Variants in ASTN2 observed in about 807,000 individuals in gnomAD.
ASTN2 encodes the protein astrotactin-2.
A neutral mutation model predicts 139.8 loss-of-function variants in ASTN2; 54 were observed. The ratio of observed to expected loss-of-function variants is 0.39; its 90% confidence interval spans 0.31 to 0.48. The LOEUF (loss-of-function observed/expected upper bound fraction) is 0.48. Ranked by LOEUF, ASTN2 falls within the 20% of genes least tolerant of loss-of-function variation. The probability of loss-of-function intolerance (pLI) is 0.95; values close to 1 mark genes in which losing one functional copy is unlikely to be tolerated. For synonymous variants in ASTN2, 756 were observed against 719.5 expected, an observed-to-expected ratio of 1.05 and a Z score of -0.81; for missense variants, 1,565 against 1,725.1, an observed-to-expected ratio of 0.91 and a Z score of 1.64.
chr9:117,383,172 T>C (rs1458990892), intron 1 of ASTN2, among the ~76,000 whole-genome samples: 1 of 152,242 alleles, frequency 6.6e-6, no homozygotes, highest in African/African-American at 2.4e-5. Flanking sequence ...TTCTTTTGAT[T>C]TTCTTTCTAA....
At chr9:117,207,785 AT>A (rs1399915722) in intron 3 of ASTN2, among the ~76,000 whole-genome samples, 6 of 152,214 alleles carry the variant, frequency 3.9e-5, no homozygotes, top group Non-Finnish European at 8.8e-5. Context: ...CTGCATGAAC[AT>A]CCCCCTGTTC....
chr9:116,751,328 T>C (rs1192798826), intron 13 of ASTN2, among the ~76,000 whole-genome samples: 1 of 152,200 alleles, frequency 6.6e-6, no homozygotes, highest in Non-Finnish European at 1.5e-5. Context: ...ACTGTGGTTA[T>C]TTATTTCCTA....
At chr9:117,253,464 A>T (rs936562747) in intron 2 of ASTN2, among the ~76,000 whole-genome samples, 1 of 152,196 alleles carries the variant, frequency 6.6e-6, no homozygotes, top group Non-Finnish European at 1.5e-5. Context: ...CTTCCCCAAG[A>T]TAAAAAACGA....
chr9:117,128,912 A>G (rs954770710), intron 4 of ASTN2, among the ~76,000 whole-genome samples: 1 of 152,246 alleles, frequency 6.6e-6, no homozygotes, highest in African/African-American at 2.4e-5. Context: ...TAAAACTATC[A>G]GATCTCATGA....
At chr9:117,367,142 T>C (rs150995312) in intron 1 of ASTN2, among the ~76,000 whole-genome samples, 55 of 152,278 alleles carry the variant, frequency 3.6e-4, no homozygotes, top group Non-Finnish European at 5.6e-4. Flanking sequence ...CTGTCTTACA[T>C]AGACTTGCTA....
At chr9:117,203,557 G>A (rs1831805185) in intron 3 of ASTN2, among the ~76,000 whole-genome samples, 1 of 152,080 alleles carries the variant, frequency 6.6e-6, no homozygotes, top group Non-Finnish European at 1.5e-5. Flanking sequence ...TGTTGTGGAT[G>A]ATGCTGTTGT....
chr9:117,061,617 G>A (rs1839295441), intron 5 of ASTN2, among the ~76,000 whole-genome samples: 1 of 152,108 alleles, frequency 6.6e-6, no homozygotes, highest in African/African-American at 2.4e-5. Flanking sequence ...CCTGAAGTTA[G>A]TGGGAGGCCA....
At chr9:116,467,455 C>T (rs1329321213) in intron 20 of ASTN2, among the ~76,000 whole-genome samples, 2 of 152,110 alleles carry the variant, frequency 1.3e-5, no homozygotes, top group African/African-American at 2.4e-5. Flanking sequence ...TTAATAGAGA[C>T]AAGGTTTCAC....
chr9:117,017,872 C>G (rs1466266714), intron 6 of ASTN2, among the ~76,000 whole-genome samples: 1 of 151,208 alleles, frequency 6.6e-6, no homozygotes, highest in African/African-American at 2.4e-5. Context: ...ATAATTCTGT[C>G]AATAATGTGT....
At chr9:117,303,402 G>A (rs939247459) in intron 1 of ASTN2, among the ~76,000 whole-genome samples, 3 of 152,076 alleles carry the variant, frequency 2.0e-5, no homozygotes, top group Non-Finnish European at 2.9e-5. Context: ...AACGAGAAGT[G>A]GGAAGGACCA....
chr9:116,704,399 G>A (rs767894842), intron 16 of ASTN2, among the ~76,000 whole-genome samples: 20 of 152,302 alleles, frequency 1.3e-4, no homozygotes, highest in Non-Finnish European at 2.4e-4. Flanking sequence ...TACCCCAGCT[G>A]TTGTGACTTT....
At chr9:117,175,029 A>G (rs969795737) in intron 3 of ASTN2, among the ~76,000 whole-genome samples, 1 of 152,210 alleles carries the variant, frequency 6.6e-6, no homozygotes, top group South Asian at 2.1e-4. Context: ...TCGCAAGACT[A>G]TTAATGGCAA....
intron 2 of ASTN2, among the ~76,000 whole-genome samples, chr9:117,259,789 CTGT>C (rs1833778766): frequency 6.6e-6 from 1 of 152,096 alleles, no homozygotes; most frequent in Non-Finnish European, 1.5e-5. Context: ...CTTCGGACAC[CTGT>C]TGTTAGGAAC....
intron 22 of ASTN2, among the ~76,000 whole-genome samples, chr9:116,431,804 A>T (rs1847506017): frequency 6.6e-6 from 1 of 152,148 alleles, no homozygotes; most frequent in Admixed American, 6.5e-5. Context: ...CATTGATTTG[A>T]CCAGGGTGAC....
intron 19 of ASTN2, among the ~76,000 whole-genome samples, chr9:116,542,565 T>A (rs76566846): frequency 6.6e-6 from 1 of 152,076 alleles, no homozygotes; most frequent in Non-Finnish European, 1.5e-5. Context: ...GGGAAAAAAA[T>A]AGATTACATT....
At chr9:116,607,906 A>T (rs1166907133) in intron 19 of ASTN2, among the ~76,000 whole-genome samples, 1 of 152,210 alleles carries the variant, frequency 6.6e-6, no homozygotes, top group Non-Finnish European at 1.5e-5. Flanking sequence ...GGTTGCAGTG[A>T]GCCAAGACAG....
chr9:116,961,991 A>C (rs1371406792), intron 10 of ASTN2, among the ~76,000 whole-genome samples: 4 of 152,248 alleles, frequency 2.6e-5, no homozygotes, highest in Non-Finnish European at 4.4e-5. Context: ...AGAATGAGGC[A>C]GTGGGATATG....
At chr9:116,747,019 C>T (rs582314) in intron 13 of ASTN2, among the ~76,000 whole-genome samples, 2 of 152,330 alleles carry the variant, frequency 1.3e-5, no homozygotes, top group East Asian at 1.9e-4. Context: ...CCCATGGGGC[C>T]TAGTCACTGC....
intron 11 of ASTN2, among the ~76,000 whole-genome samples, chr9:116,851,920 G>GGA (rs1443955372): frequency 6.6e-6 from 1 of 152,080 alleles, no homozygotes. Flanking sequence ...CTTTGACTTA[G>GGA]GTACTGTGGC....
Sources: allele counts gnomAD v4.1 joint callset (sites outside exome capture counted in the v4.1 genomes callset), GRCh38; gene constraint gnomAD v4.1.1; transcripts MANE v1.5; gene names NCBI Gene and HGNC (gene_info 2026-07-23, HGNC 2026-07-21).